Variants in CDYL observed in about 807,000 individuals in gnomAD.
The protein encoded by CDYL is chromodomain Y like.
A neutral mutation model predicts 47.3 loss-of-function variants in CDYL; 8 were observed. That is an observed-to-expected ratio of 0.17 (90% CI 0.10 to 0.31). The LOEUF is 0.31. Ranked by LOEUF, CDYL falls within the 10% of genes least tolerant of loss-of-function variation. The pLI is 1.00. For missense variants in CDYL, 471 were observed against 701.4 expected, an observed-to-expected ratio of 0.67 and a Z score of 3.71; for synonymous variants, 266 against 265.0, an observed-to-expected ratio of 1.00 and a Z score of -0.04.
At chr6:4,925,934 G>A (rs1296263675) in intron 2 of CDYL, among the ~76,000 whole-genome samples, 1 of 152,118 alleles carries the variant, frequency 6.6e-6, no homozygotes, top group Non-Finnish European at 1.5e-5. Flanking sequence ...CTAGAACTAT[G>A]CGCTTCATGT....
At chr6:4,733,422 TA>T (rs5873946) in intron 2 of CDYL, among the ~76,000 whole-genome samples, 48,787 of 138,616 alleles carry the variant, frequency 0.35, 8,166 homozygotes, top group African/African-American at 0.44. Context: ...TCAGATAAAG[TA>T]AAAAAAAAAA....
At chr6:4,880,801 A>G (rs1047677205) in intron 1 of CDYL, among the ~76,000 whole-genome samples, 3 of 152,064 alleles carry the variant, frequency 2.0e-5, no homozygotes, top group Non-Finnish European at 2.9e-5. Flanking sequence ...ACATCTTTTC[A>G]TGTTTATTTG....
rs371861920 is a variant in CDYL, at chr6:4,747,079, C to T, written c.186+12235C>T. On this transcript the variant is annotated intron_variant, in intron 3 of 8. Transcript: ENST00000328908. Reference sequence around the variant, plus strand: ...ATCCCAGCACTTTGGGAGGTCGAGGCGGGCCGATCATGAGGTCAAGAGTTC... The same window carrying T: ...ATCCCAGCACTTTGGGAGGTCGAGGTGGGCCGATCATGAGGTCAAGAGTTC... Among the ~76,000 whole-genome samples the T allele has an allele frequency of 4.4e-3, 671 of 152,170 alleles. 5 individuals are homozygous for T. Among genetic ancestry groups the T allele is most frequent in the African/African-American group, 0.015 (634 of 41,516 alleles).
intron 1 of CDYL, among the ~76,000 whole-genome samples, chr6:4,804,687 G>A (rs1261645924): frequency 1.3e-5 from 2 of 152,186 alleles, no homozygotes; most frequent in East Asian, 1.9e-4. Flanking sequence ...CATAGAGACC[G>A]CTGCTAAAAG....
At chr6:4,712,678 G>A (rs1284297376) in intron 1 of CDYL, among the ~76,000 whole-genome samples, 2 of 152,220 alleles carry the variant, frequency 1.3e-5, no homozygotes, top group African/African-American at 4.8e-5. Context: ...TAGTCCCCAA[G>A]AGGAGATTCG....
chr6:4,890,232 G>A (rs1268567200), intron 1 of CDYL: 5 of 847,292 alleles, frequency 5.9e-6, no homozygotes, highest in South Asian at 5.4e-5. Flanking sequence ...CTGCAAAAAC[G>A]TCATCTATGT....
intron 3 of CDYL, among the ~76,000 whole-genome samples, chr6:4,757,825 C>T (rs1463987779): frequency 6.6e-6 from 1 of 151,376 alleles, no homozygotes; most frequent in Non-Finnish European, 1.5e-5. Flanking sequence ...TTACTTGAGC[C>T]TAGGAGTTGT....
chr6:4,814,249 A>G (rs1439095204), intron 1 of CDYL, among the ~76,000 whole-genome samples: 2 of 152,120 alleles, frequency 1.3e-5, no homozygotes, highest in African/African-American at 4.8e-5. Context: ...AAAATGTTGA[A>G]GTAAGTTTTC....
At chr6:4,912,909 C>T (rs931103125) in intron 2 of CDYL, among the ~76,000 whole-genome samples, 7 of 152,170 alleles carry the variant, frequency 4.6e-5, no homozygotes, top group South Asian at 2.1e-4. Context: ...AAAGGCCCCT[C>T]GTCTCAATAC....
intron 2 of CDYL, among the ~76,000 whole-genome samples, chr6:4,931,333 T>C (rs1464702210): frequency 1.3e-5 from 2 of 152,088 alleles, no homozygotes; most frequent in East Asian, 3.8e-4. Context: ...CAGGGTGATA[T>C]GAAGTGCTGA....
chr6:4,885,449 T>A (rs993633655), intron 1 of CDYL, among the ~76,000 whole-genome samples: 2 of 152,184 alleles, frequency 1.3e-5, no homozygotes, highest in Admixed American at 1.3e-4. Context: ...CTGGTTCAGT[T>A]ATCAGATGGA....
chr6:4,726,276 C>T (rs928105995), intron 2 of CDYL, among the ~76,000 whole-genome samples: 1 of 152,026 alleles, frequency 6.6e-6, no homozygotes, highest in African/African-American at 2.4e-5. Context: ...GCGGCTCTCG[C>T]GCATAATCCC....
intron 2 of CDYL, among the ~76,000 whole-genome samples, chr6:4,725,763 G>C (rs929492726): frequency 6.6e-6 from 1 of 152,256 alleles, no homozygotes; most frequent in East Asian, 1.9e-4. Context: ...ACAGTGCAGC[G>C]GCGGGCTGAG....
chr6:4,937,500 A>T (rs1334211956), intron 3 of CDYL, 65 bp from the exon 4 acceptor site: 2 of 1,331,090 alleles, frequency 1.5e-6, no homozygotes, highest in African/African-American at 3.6e-5. Context: ...TCTCCAAAAA[A>T]AAAAATGCTT....
At chr6:4,775,260 A>G (rs1034316205), upstream of CDYL, 17 of 152,234 alleles carry the variant, frequency 1.1e-4, no homozygotes, top group African/African-American at 4.1e-4. This position sits in a 1 kb window ranked among gnomAD's most constrained non-coding sequence, Gnocchi z 7.0. Flanking sequence ...CCCGTGGGGA[A>G]GTTCCGCATA....
At chr6:4,916,923 C>A (rs7771387) in intron 2 of CDYL, among the ~76,000 whole-genome samples, 1 of 152,150 alleles carries the variant, frequency 6.6e-6, no homozygotes, top group South Asian at 2.1e-4. Context: ...GGCCCTGAGG[C>A]TGATGGGGAG....
chr6:4,731,132 T>A (rs777004741), intron 2 of CDYL, among the ~76,000 whole-genome samples: 4 of 152,226 alleles, frequency 2.6e-5, no homozygotes, highest in African/African-American at 4.8e-5. Flanking sequence ...TGACTTCTCC[T>A]GTGTCCGGAA....
intron 1 of CDYL, among the ~76,000 whole-genome samples, chr6:4,808,192 C>T (rs1040749465): frequency 1.3e-5 from 2 of 152,168 alleles, no homozygotes; most frequent in East Asian, 3.9e-4. Flanking sequence ...CGGGGCAACA[C>T]GTGCTTGTTG....
At chr6:4,825,575 G>A (rs1759959610) in intron 1 of CDYL, among the ~76,000 whole-genome samples, 1 of 152,178 alleles carries the variant, frequency 6.6e-6, no homozygotes, top group Admixed American at 6.5e-5. Context: ...TGCCTTTTCT[G>A]CATTGATTGA....
Sources: allele counts gnomAD v4.1 joint callset (sites outside exome capture counted in the v4.1 genomes callset), GRCh38; gene constraint gnomAD v4.1.1; non-coding constraint Gnocchi (gnomAD v3.1); transcripts MANE v1.5; gene names NCBI Gene and HGNC (gene_info 2026-07-23, HGNC 2026-07-21).